Variants in USP32 observed in about 807,000 individuals in gnomAD.
USP32 encodes the protein ubiquitin specific peptidase 32, also known as ubiquitin carboxyl-terminal hydrolase 32.
USP32 carries 59 observed loss-of-function variants against 204.8 expected under a neutral mutation model. The observed-to-expected ratio is 0.29, with a 90% confidence interval of 0.23 to 0.36. The LOEUF (loss-of-function observed/expected upper bound fraction) is 0.36, where lower values mean the gene tolerates loss of function less well. USP32 is among the 10% of genes least tolerant of loss of function. The probability of loss-of-function intolerance (pLI) is 1.00; values close to 1 mark genes in which losing one functional copy is unlikely to be tolerated. For synonymous variants in USP32, 517 were observed against 678.4 expected, an observed-to-expected ratio of 0.76 and a Z score of 3.70; for missense variants, 1,160 against 1,946.4, an observed-to-expected ratio of 0.60 and a Z score of 7.60.
At position 60,247,684 on chromosome 17, in the gene USP32, T is replaced by G. The variant is rs182933881; in HGVS notation, c.1136+4697A>C. On this transcript the variant is annotated intron_variant, in intron 11 of 33. Coordinates refer to ENST00000300896, the MANE Select transcript of USP32 (RefSeq NM_032582.4). ...GCTTGTTTGTTTGTTTTGGTTTTTT[T>G]TTTGTTTGTTTGTTTTTGAGACAGA... is the stretch of plus-strand genomic sequence containing the variant. 2.4e-3 allele frequency among the ~76,000 whole-genome samples: 360 copies of G among 151,986 alleles called. 1 individual carries two copies. Among genetic ancestry groups the G allele is most frequent in the African/African-American group, 4.6e-3 (191 of 41,438 alleles).
At chr17:60,388,594 T>C (rs1242146879) in intron 1 of USP32, among the ~76,000 whole-genome samples, 4 of 152,164 alleles carry the variant, frequency 2.6e-5, no homozygotes, top group Non-Finnish European at 5.9e-5. Flanking sequence ...CCAGTATCCA[T>C]GAAGTACAAG....
chr17:60,406,235 C>T (rs1240067809), intron 1 of USP32, among the ~76,000 whole-genome samples: 1 of 151,400 alleles, frequency 6.6e-6, no homozygotes, highest in Non-Finnish European at 1.5e-5. Context: ...TCTTGTCATC[C>T]AGGGACCATC....
intron 1 of USP32, among the ~76,000 whole-genome samples, chr17:60,345,968 C>T (rs531053773): frequency 6.7e-6 from 1 of 150,154 alleles, no homozygotes; most frequent in East Asian, 1.9e-4. Context: ...GACAACAGAG[C>T]GAAACTCTGT....
At chr17:60,316,698 G>C (rs778567901) in intron 2 of USP32, among the ~76,000 whole-genome samples, 2 of 151,996 alleles carry the variant, frequency 1.3e-5, no homozygotes, top group Non-Finnish European at 2.9e-5. Flanking sequence ...AAAATGAGTC[G>C]GGTGTGGTGG....
intron 10 of USP32, among the ~76,000 whole-genome samples, chr17:60,254,116 G>A (rs115272399): frequency 0.022 from 3,275 of 152,164 alleles, 139 homozygotes; most frequent in African/African-American, 0.075. Flanking sequence ...TCACAGTGGT[G>A]AAAGGAAAAT....
In USP32 at chr17:60,314,896, C is replaced by T. The variant is rs866648481; in HGVS notation, c.187-13192G>A. 3.8e-4 allele frequency among the ~76,000 whole-genome samples: 57 copies of T among 151,932 alleles called. 2 individuals are homozygous for T. The highest frequency in any genetic ancestry group is 1.0e-4 in the Non-Finnish European group (7 of 67,896). On this transcript the variant is annotated intron_variant, in intron 2 of 33. Coordinates refer to ENST00000300896, the MANE Select transcript of USP32 (RefSeq NM_032582.4). Reference sequence around the variant, plus strand: ...CACTGACTTGTAATCAGAAACAATGCAAGCCACAAGACAACAGAAGAAACA... The same window carrying T: ...CACTGACTTGTAATCAGAAACAATGTAAGCCACAAGACAACAGAAGAAACA...
chr17:60,316,213 G>A (rs980621483), intron 2 of USP32: 1 of 219,940 alleles, frequency 4.5e-6, no homozygotes. Flanking sequence ...TGGAGCACAT[G>A]CTTAAGAATA....
At chr17:60,237,876 A>G (rs2085774174) in intron 11 of USP32, among the ~76,000 whole-genome samples, 1 of 152,224 alleles carries the variant, frequency 6.6e-6, no homozygotes, top group Admixed American at 6.5e-5. Flanking sequence ...TATTGTGAAC[A>G]GTGGTACTAT....
upstream of USP32, chr17:60,392,299 G>A (rs2146147435): frequency 2.9e-6 from 1 of 340,518 alleles, no homozygotes; most frequent in South Asian, 3.1e-5. Context: ...CCCGGTAACG[G>A]CCGCCCAGGG....
chr17:60,368,991 A>ATTTTTTTTTTTTTTTTTTTTTTTTTTT, intron 1 of USP32, among the ~76,000 whole-genome samples: 1 of 114,136 alleles, frequency 8.8e-6, no homozygotes, highest in Non-Finnish European at 1.6e-5. Flanking sequence ...TTTTTAAAAG[A>ATTTTTTTTTTTTTTTTTTTTTTTTTTT]TTTTTTTTTT....
At chr17:60,397,820 C>G (rs1474336254) in intron 1 of USP32, among the ~76,000 whole-genome samples, 1 of 152,032 alleles carries the variant, frequency 6.6e-6, no homozygotes, top group South Asian at 2.1e-4. Flanking sequence ...ATGGGCCTGC[C>G]TACGTATAGG....
chr17:60,404,235 A>G (rs1286775223), intron 1 of USP32, among the ~76,000 whole-genome samples: 1 of 152,122 alleles, frequency 6.6e-6, no homozygotes, highest in East Asian at 1.9e-4. Flanking sequence ...AGGGAGAGAG[A>G]ATGCAAATAA....
chr17:60,404,542 G>T (rs546456155), intron 1 of USP32, among the ~76,000 whole-genome samples: 7 of 152,126 alleles, frequency 4.6e-5, no homozygotes, highest in Admixed American at 4.6e-4. Flanking sequence ...AGGAGAAACC[G>T]TCTTTGAGAG....
chr17:60,421,877 C>T (rs1474883494), intron 1 of USP32: 2 of 985,336 alleles, frequency 2.0e-6, no homozygotes, highest in African/African-American at 1.7e-5. Flanking sequence ...CGGGACTTGC[C>T]CGCGTCTCAG....
chr17:60,287,957 C>CA (rs1436378886), intron 5 of USP32, among the ~76,000 whole-genome samples: 1 of 151,294 alleles, frequency 6.6e-6, no homozygotes, highest in African/African-American at 2.4e-5. Flanking sequence ...ACTAAAAATA[C>CA]AAAAAAATTA....
chr17:60,353,016 T>C (rs1335844619), intron 1 of USP32, among the ~76,000 whole-genome samples: 2 of 152,208 alleles, frequency 1.3e-5, no homozygotes. Flanking sequence ...ATATATTACA[T>C]TGTATTTACA....
At position 60,181,485 on chromosome 17, in the gene USP32, C is replaced by T; in HGVS notation, c.4387G>A (p.Asp1463Asn). The T allele has an allele frequency of 6.2e-7, 1 of 1,614,002 alleles. No homozygotes were observed. The highest frequency in any genetic ancestry group is 8.5e-7 in the Non-Finnish European group (1 of 1,179,870). ...CCATTGGCCAAAGCTACCTCATGGT[C>T]CTGAGGAGTGACCAACTCTGGTTGG... is the stretch of plus-strand genomic sequence containing the variant. ...GSQPELVTPQ[D>N]HEVALANGFL... Residue 1463 changes from aspartate to asparagine, a missense_variant, in exon 32 of 34, where the codon GAC becomes AAC. Transcript: ENST00000300896.
intron 11 of USP32, among the ~76,000 whole-genome samples, chr17:60,240,747 G>T (rs2085856689): frequency 6.6e-6 from 1 of 151,928 alleles, no homozygotes; most frequent in Admixed American, 6.6e-5. Context: ...TGTGCTTTTG[G>T]GTACTTTAAT....
intron 12 of USP32, 38 bp from the exon 13 acceptor site, chr17:60,226,269 A>G: frequency 6.7e-7 from 1 of 1,494,746 alleles, no homozygotes; most frequent in South Asian, 1.4e-5. Context: ...AGCAAAGTTT[A>G]TAATCTGACA....
Sources: allele counts gnomAD v4.1 joint callset (sites outside exome capture counted in the v4.1 genomes callset), GRCh38; gene constraint gnomAD v4.1.1; transcripts MANE v1.5; gene names NCBI Gene and HGNC (gene_info 2026-07-23, HGNC 2026-07-21).